The following SMC5 variants were observed in gnomAD, a reference collection of about 807,000 sequenced individuals.
The protein encoded by SMC5 is structural maintenance of chromosomes 5.
SMC5 carries 88 observed loss-of-function variants against 148.3 expected under a neutral mutation model. The observed-to-expected ratio is 0.59, with a 90% CI of 0.50 to 0.71. SMC5 has a LOEUF of 0.71. SMC5 is among the 30% of genes least tolerant of loss of function. The pLI, the probability that SMC5 is intolerant of heterozygous loss-of-function variation, is 0.00. For missense variants in SMC5, 1,142 were observed against 1,298.9 expected (o/e 0.88, Z 1.86); for synonymous variants, 421 against 432.8 (o/e 0.97, Z 0.34).
chr9:70,266,705 T>A (rs1007856299), intron 2 of SMC5, among the ~76,000 whole-genome samples: 1 of 152,206 alleles, frequency 6.6e-6, no homozygotes, highest in African/African-American at 2.4e-5. Flanking sequence ...AGCAAGAATA[T>A]TTAATGTATT....
rs137906935 is a variant in SMC5, at chr9:70,323,337, T to C, written c.2151-146T>C. ...AATATTAATAGCAACAGAAACAACT[T>C]ATATTGATTGATCGGTTATGGGCCA... On this transcript the variant is annotated intron_variant, in intron 15 of 24. Transcript: ENST00000361138. 859 of 679,506 alleles carry C rather than the reference T, an allele frequency of 1.3e-3. 3 individuals carry two copies. In the African/African-American group the frequency reaches 0.014, roughly 11 times the overall value. 42.1% of individuals were successfully genotyped at this position (679,506 alleles called of 1,614,324 possible). A position where few individuals can be genotyped will look rare whatever the true frequency, so the allele number is the denominator to read the frequency against.
At position 70,277,355 on chromosome 9, in the gene SMC5, G is replaced by A. The variant is rs1292086050; in HGVS notation, c.426G>A (p.Val142=). ...GNLVITREID[V]AKNQSFWFIN... is the part of the protein sequence containing the mutation. ...TTGTAATCACCCGTGAGATTGATGT[G>A]GCAAAAAATCAGTCCTTTTGGTTCA... Residue 142 remains valine, a synonymous_variant, in exon 4 of 25, where the codon GTG becomes GTA. Coordinates refer to ENST00000361138, the MANE Select transcript of SMC5 (RefSeq NM_015110.4). The A allele has an allele frequency of 6.2e-7, 1 of 1,600,976 alleles. No homozygotes were observed. Among genetic ancestry groups the A allele is most frequent in the Non-Finnish European group, 8.5e-7 (1 of 1,173,636 alleles).
chr9:70,282,668 C>T, intron 7 of SMC5, 85 bp downstream of exon 7: 1 of 1,324,766 alleles, frequency 7.5e-7, no homozygotes. Flanking sequence ...AAAATATTTT[C>T]AAGGGTTTTC....
At chr9:70,325,439 C>A (rs1401580822) in intron 17 of SMC5, among the ~76,000 whole-genome samples, 4 of 152,194 alleles carry the variant, frequency 2.6e-5, no homozygotes, top group Non-Finnish European at 5.9e-5. Flanking sequence ...GCATCCTGAT[C>A]ATCTCTAAAG....
intron 3 of SMC5, among the ~76,000 whole-genome samples, chr9:70,273,963 T>C (rs1564023994): frequency 6.6e-6 from 1 of 152,236 alleles, no homozygotes; most frequent in Admixed American, 6.5e-5. Context: ...CTGATTTCAG[T>C]TGTCAGATTG....
intron 17 of SMC5, among the ~76,000 whole-genome samples, chr9:70,330,891 G>A (rs1272742749): frequency 3.3e-5 from 5 of 152,016 alleles, no homozygotes; most frequent in African/African-American, 1.2e-4. Context: ...AAAGTAATGG[G>A]TTAAATGAAT....
chr9:70,315,009 C>T (rs1202618013), intron 12 of SMC5, among the ~76,000 whole-genome samples, 173 bp downstream of exon 12: 1 of 151,812 alleles, frequency 6.6e-6, no homozygotes, highest in Admixed American at 6.6e-5. Flanking sequence ...GAGTGTGATG[C>T]GATGTGATGT....
intron 10 of SMC5, among the ~76,000 whole-genome samples, chr9:70,302,818 T>C (rs537924866): frequency 2.0e-5 from 3 of 152,334 alleles, no homozygotes; most frequent in South Asian, 4.1e-4. Context: ...ACCCTACTTG[T>C]GTGACTTCCT....
intron 17 of SMC5, among the ~76,000 whole-genome samples, chr9:70,331,761 C>T (rs1009605900): frequency 4.6e-5 from 7 of 152,000 alleles, no homozygotes; most frequent in Middle Eastern, 3.2e-3. Flanking sequence ...CCATTCTTCG[C>T]GATGATGAAG....
chr9:70,294,836 T>TG (rs2035152284), intron 8 of SMC5, among the ~76,000 whole-genome samples: 1 of 152,118 alleles, frequency 6.6e-6, no homozygotes, highest in Non-Finnish European at 1.5e-5. Flanking sequence ...TCTGTAGATA[T>TG]GTTTAAGTCA....
chr9:70,299,433 C>T (rs1419393348), intron 9 of SMC5, among the ~76,000 whole-genome samples: 6 of 151,614 alleles, frequency 4.0e-5, no homozygotes, highest in Admixed American at 2.0e-4. Context: ...TGTCCTTCTC[C>T]TTCCATCTAA....
chr9:70,265,129 AAGGAGG>A (rs778330854), intron 2 of SMC5, among the ~76,000 whole-genome samples: 1 of 152,090 alleles, frequency 6.6e-6, no homozygotes, highest in African/African-American at 2.4e-5. Flanking sequence ...AGTCTTGAGA[AAGGAGG>A]AGGAGGAGGA....
At chr9:70,332,270 C>T (rs374496176) in intron 17 of SMC5, among the ~76,000 whole-genome samples, 3 of 152,136 alleles carry the variant, frequency 2.0e-5, no homozygotes, top group Non-Finnish European at 2.9e-5. Flanking sequence ...ACTGTAATCC[C>T]GGCACTTTGG....
chr9:70,296,721 T>C (rs906232370), intron 8 of SMC5, among the ~76,000 whole-genome samples: 11 of 152,224 alleles, frequency 7.2e-5, no homozygotes, highest in Non-Finnish European at 1.3e-4. Context: ...ATGTGATGTG[T>C]TAAATTTATC....
At chr9:70,349,993 A>C in intron 22 of SMC5, 121 bp from the exon 23 acceptor site, 1 of 530,332 alleles carries the variant, frequency 1.9e-6, no homozygotes, top group Non-Finnish European at 3.2e-6. Context: ...TACATATTTA[A>C]ACTAGTGTCA....
At chr9:70,329,579 T>C (rs1447148501) in intron 17 of SMC5, among the ~76,000 whole-genome samples, 3 of 152,206 alleles carry the variant, frequency 2.0e-5, no homozygotes, top group Admixed American at 6.5e-5. Context: ...TCACTGTCCA[T>C]ATCCTTGTCA....
intron 17 of SMC5, among the ~76,000 whole-genome samples, chr9:70,337,387 G>T (rs1410378065): frequency 6.6e-6 from 1 of 151,876 alleles, no homozygotes; most frequent in Non-Finnish European, 1.5e-5. Flanking sequence ...GTACAGGTTG[G>T]CAGGGTGTTC....
intron 22 of SMC5, 88 bp from the exon 23 acceptor site, chr9:70,350,026 T>C (rs2036766448): frequency 2.2e-6 from 2 of 898,708 alleles, no homozygotes; most frequent in East Asian, 5.5e-5. Flanking sequence ...TTCTTTACTC[T>C]TACTCAGTTA....
Position 70,298,114 on chromosome 9 carries a change from A to G in SMC5, c.1202A>G (p.Asp401Gly). Residue 401 changes from aspartate (D) to glycine (G), a missense_variant, in exon 9 of 25, where the codon GAT becomes GGT. Physicochemically the swap from Asp to Gly is moderately conservative, Grantham distance 94. Around this residue, in one of 5 missense-constraint regions of SMC5, gnomAD observed 743 missense variants for 835.7 expected, o/e 0.89. Coordinates refer to ENST00000361138, the MANE Select transcript of SMC5 (RefSeq NM_015110.4). The stretch of plus-strand genomic sequence containing the variant: ...TGCGAGAATCTTCAGCCCCAGATTG[A>G]TGCCATTACAAATGATCTGAGACGG... ...ENCENLQPQI[D>G]AITNDLRRIQ... 2.5e-6 allele frequency: 4 copies of G among 1,614,114 alleles called. No individual in the cohort carries two copies. Among genetic ancestry groups the G allele is most frequent in the Non-Finnish European group, 3.4e-6 (4 of 1,179,964 alleles).
Sources: gnomAD v4.1 joint callset for allele counts (sites outside exome capture counted in the v4.1 genomes callset) on GRCh38, gnomAD v4.1.1 for gene constraint, gnomAD v4.1.1 regional missense constraint, MANE v1.5 for transcripts, NCBI Gene and HGNC (gene_info 2026-07-23, HGNC 2026-07-21) for gene names.